Variants in SRD5A2 observed in about 807,000 individuals in gnomAD.
SRD5A2 encodes the protein 3-oxo-5-alpha-steroid 4-dehydrogenase 2.
A neutral mutation model predicts 27.4 loss-of-function variants in SRD5A2; 30 were observed. That is an observed-to-expected ratio of 1.10 (90% CI 0.82 to 1.49). The LOEUF (loss-of-function observed/expected upper bound fraction) is 1.49, where lower values mean the gene tolerates loss of function less well. SRD5A2 is among the 40% of genes most tolerant of loss of function. The pLI is 0.00. For missense variants in SRD5A2, 348 were observed against 323.4 expected, an observed-to-expected ratio of 1.08 and a Z score of -0.58; for synonymous variants, 141 against 133.6, an observed-to-expected ratio of 1.06 and a Z score of -0.38.
intron 1 of SRD5A2, among the ~76,000 whole-genome samples, chr2:31,576,635 T>C (rs1666964393): frequency 1.7e-5 from 1 of 57,480 alleles, no homozygotes; most frequent in Non-Finnish European, 3.5e-5. Context: ...GACCCAGCCA[T>C]CCCAATACTG....
At chr2:31,534,190 G>A (rs957332986) in intron 1 of SRD5A2, among the ~76,000 whole-genome samples, 2 of 152,076 alleles carry the variant, frequency 1.3e-5, no homozygotes, top group African/African-American at 2.4e-5. Context: ...TAGAGTAAGA[G>A]CAAAATCTAG....
the SRD5A2 span, among the ~76,000 whole-genome samples, chr2:31,598,254 G>T: frequency 6.6e-6 from 1 of 151,918 alleles, no homozygotes; most frequent in Non-Finnish European, 1.5e-5. Flanking sequence ...CTATAAGAAT[G>T]CAAAGGCATA....
chr2:31,630,309 G>C, the SRD5A2 span, among the ~76,000 whole-genome samples: 1 of 152,240 alleles, frequency 6.6e-6, no homozygotes, highest in South Asian at 2.1e-4. Flanking sequence ...GAGAGAGAGA[G>C]ACAGAGAGAG....
the SRD5A2 span, among the ~76,000 whole-genome samples, chr2:31,652,469 A>G: frequency 6.6e-6 from 1 of 151,946 alleles, no homozygotes; most frequent in African/African-American, 2.4e-5. Context: ...CTTCTAAGGC[A>G]AAAAAAATTA....
chr2:31,554,986 A>G (rs1572644712), intron 1 of SRD5A2, among the ~76,000 whole-genome samples: 1 of 140,116 alleles, frequency 7.1e-6, no homozygotes, highest in Admixed American at 7.1e-5. Flanking sequence ...TGTGTGTGTT[A>G]CCGCCAGGCC....
At chr2:31,628,386 C>T in the SRD5A2 span, among the ~76,000 whole-genome samples, 1 of 152,028 alleles carries the variant, frequency 6.6e-6, no homozygotes, top group Non-Finnish European at 1.5e-5. Context: ...ATGGGCCTCT[C>T]GAAGACAGCG....
chr2:31,580,551 C>G (rs1349978210), intron 1 of SRD5A2, 69 bp downstream of exon 1: 7 of 1,422,342 alleles, frequency 4.9e-6, no homozygotes, highest in Non-Finnish European at 6.4e-6. Flanking sequence ...GCGCGCTCCA[C>G]GCTGCGCTCC....
the SRD5A2 span, among the ~76,000 whole-genome samples, chr2:31,612,505 T>C: frequency 6.6e-6 from 1 of 152,074 alleles, no homozygotes; most frequent in Non-Finnish European, 1.5e-5. Context: ...AAAACATTGA[T>C]GAAAGAAATT....
At chr2:31,591,260 T>C in the SRD5A2 span, among the ~76,000 whole-genome samples, 1 of 152,038 alleles carries the variant, frequency 6.6e-6, no homozygotes, top group South Asian at 2.1e-4. Flanking sequence ...AATAACCCCA[T>C]CAAAAAGTGG....
chr2:31,633,847 A>C, the SRD5A2 span, among the ~76,000 whole-genome samples: 1 of 152,326 alleles, frequency 6.6e-6, no homozygotes, highest in Non-Finnish European at 1.5e-5. Context: ...CTTGCAACTT[A>C]GCTCACACCT....
the SRD5A2 span, among the ~76,000 whole-genome samples, chr2:31,659,554 C>G: frequency 6.6e-6 from 1 of 152,030 alleles, no homozygotes; most frequent in South Asian, 2.1e-4. Context: ...AAGCTGAGAG[C>G]CAGATCAAGA....
chr2:31,614,889 G>A, the SRD5A2 span, among the ~76,000 whole-genome samples: 2 of 152,046 alleles, frequency 1.3e-5, no homozygotes, highest in Admixed American at 6.6e-5. Flanking sequence ...GGGACCCACT[G>A]GGAGAAAATT....
chr2:31,581,120 CCTT>C, upstream of SRD5A2: 1 of 565,598 alleles, frequency 1.8e-6, no homozygotes, highest in South Asian at 2.6e-5. Context: ...AGAACGAAGG[CCTT>C]CTTAGTTCGC....
chr2:31,632,952 C>T, the SRD5A2 span, among the ~76,000 whole-genome samples: 1 of 152,122 alleles, frequency 6.6e-6, no homozygotes, highest in African/African-American at 2.4e-5. Flanking sequence ...GAACACCTAT[C>T]AAACATCAGG....
chr2:31,531,860 C>T (rs578205723), intron 2 of SRD5A2, among the ~76,000 whole-genome samples: 1 of 152,338 alleles, frequency 6.6e-6, no homozygotes, highest in South Asian at 2.1e-4. Context: ...ATTCCAGCCC[C>T]TTTTCTTTTG....
the SRD5A2 span, among the ~76,000 whole-genome samples, chr2:31,653,059 C>A: frequency 6.6e-6 from 1 of 152,176 alleles, no homozygotes; most frequent in Non-Finnish European, 1.5e-5. Context: ...TTCCAGTTTA[C>A]TTGTTTCTTC....
intron 1 of SRD5A2, among the ~76,000 whole-genome samples, chr2:31,534,146 A>G (rs550107007): frequency 6.6e-6 from 1 of 152,322 alleles, no homozygotes; most frequent in South Asian, 2.1e-4. Context: ...CTAAATAAAA[A>G]TAATTTATCA....
the SRD5A2 span, among the ~76,000 whole-genome samples, chr2:31,609,068 C>T: frequency 6.6e-6 from 1 of 152,036 alleles, no homozygotes. Flanking sequence ...CCATCTGCAA[C>T]CCAAGAAGAA....
At chr2:31,552,471 C>T (rs1180282657) in intron 1 of SRD5A2, among the ~76,000 whole-genome samples, 1 of 151,974 alleles carries the variant, frequency 6.6e-6, no homozygotes, top group Admixed American at 6.6e-5. Context: ...ATAGTTTGGA[C>T]CCCTCGGTCA....
Sources: gnomAD v4.1 joint callset for allele counts (sites outside exome capture counted in the v4.1 genomes callset) on GRCh38, gnomAD v4.1.1 for gene constraint, MANE v1.5 for transcripts, NCBI Gene and HGNC (gene_info 2026-07-23, HGNC 2026-07-21) for gene names.